SPATA31F1: variants seen among roughly 807,000 people sequenced by gnomAD.
The protein encoded by SPATA31F1 is protein SPATA31F1.
the SPATA31F1 span, chr9:34,724,244 C>A: frequency 0.49 from 759,947 of 1,550,590 alleles, 192,857 homozygotes; most frequent in East Asian, 0.63. Flanking sequence ...CATGTCCCCA[C>A]TGGGCTGTGA....
chr9:34,728,770 T>C, the SPATA31F1 span: 1 of 938,230 alleles, frequency 1.1e-6, no homozygotes, highest in Non-Finnish European at 1.7e-6. Context: ...CTATCTGTAT[T>C]TTATACACTC....
chr9:34,726,753 G>T, the SPATA31F1 span: 2 of 1,551,716 alleles, frequency 1.3e-6, no homozygotes, highest in Non-Finnish European at 8.7e-7. Context: ...GACAGTGAAA[G>T]CTCTCTGGTG....
At chr9:34,726,432 G>A in the SPATA31F1 span, 25 of 1,550,920 alleles carry the variant, frequency 1.6e-5, no homozygotes, top group South Asian at 1.9e-4. Flanking sequence ...GGATGCATCC[G>A]GTTCAGGGTT....
chr9:34,729,186 T>C, the SPATA31F1 span: 6 of 1,372,276 alleles, frequency 4.4e-6, no homozygotes, highest in Non-Finnish European at 5.8e-6. Context: ...GAAAGTATGC[T>C]ATAAAAATTC....
chr9:34,725,553 C>T, the SPATA31F1 span: 2 of 1,395,618 alleles, frequency 1.4e-6, no homozygotes, highest in Non-Finnish European at 2.0e-6. Flanking sequence ...GTCGTGGTCT[C>T]AGGAGACTGA....
the SPATA31F1 span, chr9:34,726,606 C>T: frequency 6.4e-7 from 1 of 1,551,912 alleles, no homozygotes; most frequent in Non-Finnish European, 8.7e-7. Context: ...CGGAGCACAT[C>T]TGGCACTTGA....
chr9:34,729,196 C>A, the SPATA31F1 span: 1 of 1,423,690 alleles, frequency 7.0e-7, no homozygotes, highest in Non-Finnish European at 9.3e-7. Context: ...TATAAAAATT[C>A]TGGGGTGGGG....
chr9:34,726,267 G>C, the SPATA31F1 span: 3 of 1,529,560 alleles, frequency 2.0e-6, no homozygotes, highest in East Asian at 2.5e-5. Context: ...TACAATGGTG[G>C]GTTTGGCATA....
chr9:34,723,743 G>A, the SPATA31F1 span: 5 of 1,551,750 alleles, frequency 3.2e-6, no homozygotes, highest in Non-Finnish European at 4.4e-6. Context: ...CTGACCCTGT[G>A]AAGCCTGGGG....
the SPATA31F1 span, chr9:34,724,389 G>T: frequency 9.7e-6 from 15 of 1,550,654 alleles, 1 homozygote; most frequent in South Asian, 1.8e-4. Context: ...GGGGCAGGAA[G>T]AGTGTCTGGT....
the SPATA31F1 span, among the ~76,000 whole-genome samples, chr9:34,727,166 G>C: frequency 6.6e-6 from 1 of 152,254 alleles, no homozygotes; most frequent in Non-Finnish European, 1.5e-5. Context: ...GGTGTGGTGG[G>C]CTGGGCTGAT....
the SPATA31F1 span, among the ~76,000 whole-genome samples, chr9:34,729,070 C>T: frequency 1.3e-5 from 2 of 152,100 alleles, no homozygotes; most frequent in African/African-American, 4.8e-5. Context: ...GTTCTCAATC[C>T]AAACCAAATA....
At chr9:34,726,628 T>C in the SPATA31F1 span, 15 of 1,551,574 alleles carry the variant, frequency 9.7e-6, no homozygotes, top group Non-Finnish European at 1.1e-5. Context: ...ATTCCTGCCC[T>C]AGCTGGAGGT....
the SPATA31F1 span, chr9:34,724,266 C>T: frequency 6.4e-7 from 1 of 1,551,474 alleles, no homozygotes; most frequent in Admixed American, 2.0e-5. Flanking sequence ...ATCTTGGAGA[C>T]CGAGTGGGCA....
chr9:34,726,107 G>C, the SPATA31F1 span: 2 of 1,479,922 alleles, frequency 1.4e-6, no homozygotes, highest in Admixed American at 4.1e-5. Context: ...GTTCATTGTG[G>C]ACCATTCAGA....
At chr9:34,726,388 C>T in the SPATA31F1 span, 8 of 1,548,074 alleles carry the variant, frequency 5.2e-6, no homozygotes, top group South Asian at 9.5e-5. Context: ...TGAGAAATGG[C>T]AGGTGGGCAG....
chr9:34,725,080 C>A, the SPATA31F1 span: 162 of 1,551,572 alleles, frequency 1.0e-4, no homozygotes, highest in Non-Finnish European at 1.3e-4. Context: ...GTTCCAGGAA[C>A]TGGCTTTCTG....
At chr9:34,728,708 T>G in the SPATA31F1 span, 1 of 1,499,296 alleles carries the variant, frequency 6.7e-7, no homozygotes, top group Non-Finnish European at 9.1e-7. Context: ...TTCTTTCTCA[T>G]GTCCAAAATG....
the SPATA31F1 span, chr9:34,726,164 G>A: frequency 2.4e-6 from 3 of 1,259,380 alleles, no homozygotes; most frequent in African/African-American, 4.5e-5. Context: ...TGAACACCAG[G>A]TCTGGAGGGA....
Sources: allele counts gnomAD v4.1 joint callset (sites outside exome capture counted in the v4.1 genomes callset), GRCh38; gene constraint gnomAD v4.1.1; transcripts MANE v1.5; gene names NCBI Gene and HGNC (gene_info 2026-07-23, HGNC 2026-07-21).